Variants in EGLN2 observed in about 807,000 individuals in gnomAD.
EGLN2 encodes the protein prolyl hydroxylase EGLN2.
In EGLN2, 15 loss-of-function variants were observed where a neutral mutation model predicts 38.2. The ratio of observed to expected loss-of-function variants is 0.39; its 90% CI spans 0.26 to 0.60. The LOEUF (loss-of-function observed/expected upper bound fraction) is 0.60, where lower values mean the gene tolerates loss of function less well. Ranked by LOEUF, EGLN2 falls within the 20% of genes least tolerant of loss-of-function variation. The pLI is 0.50. For missense variants in EGLN2, 492 were observed against 570.4 expected (o/e 0.86, Z 1.40); for synonymous variants, 284 against 237.4 (o/e 1.20, Z -1.81).
intron 2 of EGLN2, among the ~76,000 whole-genome samples, chr19:40,803,485 T>G (rs2083278473): frequency 6.6e-6 from 1 of 152,094 alleles, no homozygotes; most frequent in Non-Finnish European, 1.5e-5. Flanking sequence ...CTTTCCCGCT[T>G]TTAGATGGGC....
rs1197598593 is a variant in EGLN2 at position 40,800,382 on chromosome 19, G to A, written c.-191G>A. On this transcript the variant is annotated 5_prime_UTR_variant, in exon 2 of 6. Transcript: ENST00000303961. ...TCCCAAGCCCTTAGGGACCGCAGAG[G>A]ACTTGGGGACCAGCAAGCAACCCCC... 6.2e-6 allele frequency: 5 copies of A among 802,072 alleles called. No individual in the cohort carries two copies. Among genetic ancestry groups the A allele is most frequent in the East Asian group, 2.7e-5 (1 of 36,888 alleles). 49.7% of individuals were successfully genotyped at this position (802,072 alleles called of 1,614,324 possible).
intron 4 of EGLN2, 27 bp downstream of exon 4, chr19:40,807,301 C>T (rs1309855255): frequency 1.9e-6 from 3 of 1,613,658 alleles, no homozygotes; most frequent in Non-Finnish European, 2.5e-6. Context: ...TGGAGACGCA[C>T]CCAGGTGCTC....
intron 3 of EGLN2, 144 bp downstream of exon 3, chr19:40,806,818 G>T: frequency 8.3e-7 from 1 of 1,199,682 alleles, no homozygotes; most frequent in Middle Eastern, 2.0e-4. Context: ...AGTGCGATCT[G>T]CCGGCTCTTC....
intron 2 of EGLN2, among the ~76,000 whole-genome samples, chr19:40,802,874 C>T (rs2083272875): frequency 6.6e-6 from 1 of 152,276 alleles, no homozygotes; most frequent in African/African-American, 2.4e-5. Context: ...CTGATGTCCT[C>T]TGCCTCCTCC....
chr19:40,800,417 G>A lies in EGLN2; in HGVS notation c.-156G>A. On this transcript the variant is annotated 5_prime_UTR_variant, in exon 2 of 6. Coordinates refer to ENST00000303961, the MANE Select transcript of EGLN2 (RefSeq NM_080732.4). ...CCAGCAAGCAACCCCCAGGGCACGA[G>A]AAGAGCTCTTGCTGTCTGCCCTGCC... The A allele has an allele frequency of 8.4e-7, 1 of 1,193,094 alleles. No homozygotes were observed. The highest frequency in any genetic ancestry group is 1.1e-6 in the Non-Finnish European group (1 of 880,872). 73.9% of individuals were successfully genotyped at this position (1,193,094 alleles called of 1,614,324 possible). A position where few individuals can be genotyped will look rare whatever the true frequency, so the allele number is the denominator to read the frequency against.
rs759060721 is a variant in EGLN2 at position 40,807,464 on chromosome 19, C to G, written c.1101-20C>G. On this transcript the variant is annotated intron_variant, in intron 4 of 5. Coordinates refer to ENST00000303961, the MANE Select transcript of EGLN2 (RefSeq NM_080732.4). Reference sequence around the variant, plus strand: ...AGCTGGAATTGCAGAAAACTAATGTCCAACCACCCTGGTCTCCAGGTACGC... The same window carrying G: ...AGCTGGAATTGCAGAAAACTAATGTGCAACCACCCTGGTCTCCAGGTACGC... 4 of 1,613,924 alleles carry G rather than the reference C, an allele frequency of 2.5e-6. No homozygotes were observed. The Admixed American group carries it at 6.7e-5, about 27-fold the overall frequency.
At chr19:40,807,103 G>T in intron 3 of EGLN2, 35 bp from the exon 4 acceptor site, 3 of 1,609,814 alleles carry the variant, frequency 1.9e-6, no homozygotes, top group Non-Finnish European at 1.7e-6. Context: ...GCTCCTGGCC[G>T]TACCAGCTAG....
chr19:40,801,386 G>T lies in EGLN2; in HGVS notation c.814G>T (p.Gly272Cys). 6.2e-7 allele frequency: 1 copy of T among 1,608,332 alleles called. No individual in the cohort carries two copies. ...CATCCGCCACTGCGCAGGGCGGCTG[G>T]GCAGCTATGTCATCAACGGGCGCAC... The part of the protein sequence containing the change: ...AVIRHCAGRL[G>C]SYVINGRTKA... The change falls in exon 2 of 6, where the codon GGC becomes TGC. Residue 272 changes from glycine (G) to cysteine (C), a missense_variant. Physicochemically the swap from Gly to Cys is radical, Grantham distance 159 (BLOSUM62 -3). This residue lies in a region of EGLN2 where 378 missense variants were observed against 386.2 expected (regional missense o/e 0.98). Coordinates refer to ENST00000303961, the MANE Select transcript of EGLN2 (RefSeq NM_080732.4).
rs139802237 is a variant in EGLN2 at position 40,801,078 on chromosome 19, C to T, written c.506C>T (p.Ala169Val). 1.5e-4 allele frequency: 248 copies of T among 1,612,596 alleles called. No individual in the cohort carries two copies. Among genetic ancestry groups the T allele is most frequent in the Non-Finnish European group, 1.9e-4 (226 of 1,179,908 alleles). Residue 169 changes from alanine (A) to valine (V), a missense_variant, in exon 2 of 6, where the codon GCG becomes GTG. Ala to Val is a moderately conservative substitution (Grantham distance 64). Transcript: ENST00000303961. ...GEASAGLMEE[A>V]LPSAPERLAL... The stretch of plus-strand genomic sequence containing the variant: ...GCCAGTGCTGGGCTGATGGAGGAGG[C>T]GCTGCCCTCTGCGCCCGAGCGCCTG...
rs2083312074 is a variant in EGLN2 at position 40,807,310 on chromosome 19, TC to T, written c.1100+41del. ...TACTTCTGGAGACGCACCCAGGTGC[TC>T]CCCCTGTGACAATGTCCTGTCAGAG... On this transcript the variant is annotated intron_variant, in intron 4 of 5. Coordinates refer to ENST00000303961, the MANE Select transcript of EGLN2 (RefSeq NM_080732.4). 3.1e-6 allele frequency: 5 copies of T among 1,613,036 alleles called. No homozygotes were observed. The African/African-American group carries it at 4.0e-5, about 13-fold the overall frequency.
rs1359785162 is a variant in EGLN2 at position 40,800,716 on chromosome 19, C to T, written c.144C>T (p.Tyr48=). The T allele has an allele frequency of 6.2e-7, 1 of 1,613,966 alleles. No individual in the cohort carries two copies. The highest frequency in any genetic ancestry group is 8.5e-7 in the Non-Finnish European group (1 of 1,180,016). ...SYLPCPLLPS[Y]HCPGVPSEAS... is the part of the protein sequence containing the mutation. Reference sequence around the variant, plus strand: ...TGCCCTGTCCCCTGCTCCCCTCCTACCACTGTCCAGGAGTGCCTAGTGAGG... The same window carrying T: ...TGCCCTGTCCCCTGCTCCCCTCCTATCACTGTCCAGGAGTGCCTAGTGAGG... The change falls in exon 2 of 6, where the codon TAC becomes TAT. Residue 48 remains tyrosine (Y), a synonymous_variant. Transcript: ENST00000303961.
At position 40,807,974 on chromosome 19, in the gene EGLN2, T is replaced by A; in HGVS notation, c.*110T>A. The A allele has an allele frequency of 9.2e-7, 1 of 1,091,730 alleles. No homozygotes were observed. The highest frequency in any genetic ancestry group is 1.4e-6 in the Non-Finnish European group (1 of 736,958). The allele number at this position is 1,091,730 out of a possible 1,614,324, so 67.6% of individuals were successfully genotyped here. ...CCGCTGCTGCTTCTGACTTTGCCTCTGTCCTGCCTGGTGTGGAGGGCTCTG... is the reference window on the plus strand; with the variant it reads ...CCGCTGCTGCTTCTGACTTTGCCTCAGTCCTGCCTGGTGTGGAGGGCTCTG... On this transcript the variant is annotated 3_prime_UTR_variant, in exon 6 of 6. Coordinates refer to ENST00000303961, the MANE Select transcript of EGLN2 (RefSeq NM_080732.4).
Position 40,807,263 on chromosome 19 carries a change from C to T in EGLN2, c.1089C>T (p.Ala363=), listed in dbSNP as rs1230794785. ...GGAACCCCCACGAGGTGAAGCCAGC[C>T]TATGCCACCAGGTATGACCTGTACT... ...DRRNPHEVKP[A]YATRYAITVW... The change falls in exon 4 of 6, where the codon GCC becomes GCT. Residue 363 remains alanine, a synonymous_variant. Transcript: ENST00000303961. The T allele has an allele frequency of 6.2e-7, 1 of 1,614,066 alleles. No individual in the cohort carries two copies. The highest frequency in any genetic ancestry group is 1.7e-5 in the Admixed American group (1 of 60,006).
chr19:40,807,065 G>T lies in EGLN2; in HGVS notation c.964-73G>T, dbSNP rs45473192. ...CAGGCAGACGCTGCGCCTCCTAGTG[G>T]GCTCCCGGGGCACCGTGGGAGGCAG... On this transcript the variant is annotated intron_variant, in intron 3 of 5. Transcript: ENST00000303961. 6.5e-4 allele frequency: 1,037 copies of T among 1,594,046 alleles called. 1 individual carries two copies. Among genetic ancestry groups the T allele is most frequent in the Non-Finnish European group, 8.3e-4 (973 of 1,168,990 alleles).
In EGLN2 at chr19:40,800,545, A is replaced by G. The variant is rs569052483; in HGVS notation, c.-28A>G. 6.4e-7 allele frequency: 1 copy of G among 1,551,728 alleles called. No individual in the cohort carries two copies. Among genetic ancestry groups the G allele is most frequent in the South Asian group, 1.2e-5 (1 of 83,648 alleles). ...ACCATGGGCCCGGGCGGTGCCCTCC[A>G]TGCCCGGGGGATGAAGACACTGCTG... On this transcript the variant is annotated 5_prime_UTR_variant, in exon 2 of 6. It removes an upstream start codon present in the reference 5' UTR. Transcript: ENST00000303961.
intron 2 of EGLN2, among the ~76,000 whole-genome samples, chr19:40,802,682 G>A (rs1041838060): frequency 2.0e-5 from 3 of 152,240 alleles, no homozygotes; most frequent in African/African-American, 7.2e-5. Flanking sequence ...GGTCCATAGG[G>A]CCTTTCCGGG....
chr19:40,802,529 C>CT (rs1265010937), intron 2 of EGLN2, among the ~76,000 whole-genome samples: 1 of 152,214 alleles, frequency 6.6e-6, no homozygotes, highest in Admixed American at 6.5e-5. Context: ...GAGCCTGGGT[C>CT]TTTTTGAGAA....
intron 1 of EGLN2, chr19:40,799,878 C>G (rs1156371122): frequency 1.4e-5 from 2 of 142,882 alleles, no homozygotes; most frequent in Admixed American, 1.5e-4. Context: ...TTTTTGGACT[C>G]CCCAGTTTCC....
chr19:40,805,712 C>T (rs1397231533), intron 2 of EGLN2: 1 of 152,230 alleles, frequency 6.6e-6, no homozygotes, highest in Non-Finnish European at 1.5e-5. Context: ...AACTGTCAGG[C>T]AGAGGAAAGA....
Sources: allele counts gnomAD v4.1 joint callset (sites outside exome capture counted in the v4.1 genomes callset), GRCh38; gene constraint gnomAD v4.1.1; regional missense constraint gnomAD v4.1.1; transcripts MANE v1.5; gene names NCBI Gene and HGNC (gene_info 2026-07-23, HGNC 2026-07-21).